TNP2: variants seen among roughly 807,000 people sequenced by gnomAD.
The protein encoded by TNP2 is transition protein 2.
In TNP2, 10 loss-of-function variants were observed where a neutral mutation model predicts 8.5. The ratio of observed to expected loss-of-function variants is 1.17; its 90% confidence interval spans 0.72 to 1.99. TNP2 has a LOEUF of 1.99. TNP2 is among the 30% of genes most tolerant of loss of function. TNP2 has a pLI of 0.00. For synonymous variants in TNP2, 80 were observed against 62.3 expected (o/e 1.28, Z -1.34); for missense variants, 222 against 181.2 (o/e 1.23, Z -1.29).
In TNP2 at chr16:11,268,969, C is replaced by G; in HGVS notation, c.294G>C (p.Leu98=). The G allele has an allele frequency of 6.2e-7, 1 of 1,613,922 alleles. No individual in the cohort carries two copies. Among genetic ancestry groups the G allele is most frequent in the Middle Eastern group, 1.6e-4 (1 of 6,062 alleles). Residue 98 remains leucine (L), a synonymous_variant, in exon 1 of 2, where the codon CTG becomes CTC. Transcript: ENST00000312693. ...TTCTGTTCTTGGGGCAGCGGCAGTG[C>G]AGGATGGTGGGCCGCATGGGAGAGT... The part of the protein sequence containing the change: ...SHHSPMRPTI[L]HCRCPKNRKN...
intron 1 of TNP2, 169 bp downstream of exon 1, chr16:11,268,694 C>T: frequency 1.5e-6 from 1 of 666,770 alleles, no homozygotes; most frequent in Non-Finnish European, 2.3e-6. Flanking sequence ...GACTTTCCGT[C>T]AATGTATCAT....
Position 11,268,013 on chromosome 16 carries a change from C to T in TNP2, c.401-1G>A. On this transcript the variant is annotated splice_acceptor_variant, in intron 1 of 1. Transcript: ENST00000312693. LOFTEE classifies it high-confidence loss of function. The stretch of plus-strand genomic sequence containing the variant: ...CGGTCTCATTAGTTGGATTTCCATC[C>T]TAAGGGATAAGAGTGGGAAAGGAAC... The T allele has an allele frequency of 6.2e-7, 1 of 1,612,430 alleles. No homozygotes were observed.
rs200118105 is a variant in TNP2 at position 11,269,085 on chromosome 16, T to G, written c.178A>C (p.Thr60Pro). 3.1e-6 allele frequency: 5 copies of G among 1,613,932 alleles called. No individual in the cohort carries two copies. The highest frequency in any genetic ancestry group is 4.2e-6 in the Non-Finnish European group (5 of 1,179,862). Residue 60 changes from threonine (T) to proline (P), a missense_variant, in exon 1 of 2, where the codon ACT becomes CCT. Coordinates refer to ENST00000312693, the MANE Select transcript of TNP2 (RefSeq NM_005425.5). ...TGGCCGGATGAGCTGTGGGCTCCAG[T>G]TGGGTTGCGGTGGCTGGCCGGGCTC... Reference protein sequence around the residue: ...SQSPASHRNPTGAHSSSGHQS... With the variant: ...SQSPASHRNPPGAHSSSGHQS...
At position 11,269,085 on chromosome 16, in the gene TNP2, T is replaced by C. The variant is rs200118105; in HGVS notation, c.178A>G (p.Thr60Ala). 37 of 1,613,814 alleles carry C rather than the reference T, an allele frequency of 2.3e-5. No individual in the cohort carries two copies. Among genetic ancestry groups the C allele is most frequent in the South Asian group, 5.5e-5 (5 of 91,084 alleles). Reference protein sequence around the residue: ...SQSPASHRNPTGAHSSSGHQS... With the variant: ...SQSPASHRNPAGAHSSSGHQS... Reference sequence around the variant, plus strand: ...TGGCCGGATGAGCTGTGGGCTCCAGTTGGGTTGCGGTGGCTGGCCGGGCTC... The same window carrying C: ...TGGCCGGATGAGCTGTGGGCTCCAGCTGGGTTGCGGTGGCTGGCCGGGCTC... The change falls in exon 1 of 2, where the codon ACT (threonine) becomes GCT (alanine). Residue 60 changes from threonine (T) to alanine (A), a missense_variant. Coordinates refer to ENST00000312693, the MANE Select transcript of TNP2 (RefSeq NM_005425.5).
chr16:11,268,963 G>A lies in TNP2; in HGVS notation c.300C>T (p.Cys100=), dbSNP rs760922177. The A allele has an allele frequency of 4.3e-6, 7 of 1,613,836 alleles. No homozygotes were observed. In the South Asian group the frequency reaches 4.4e-5, roughly 10 times the overall value. ...HSPMRPTILH[C]RCPKNRKNLE... ...AGTTCTTTCTGTTCTTGGGGCAGCG[G>A]CAGTGCAGGATGGTGGGCCGCATGG... is the stretch of plus-strand genomic sequence containing the variant. Residue 100 remains cysteine (C), a synonymous_variant, in exon 1 of 2, where the codon TGC becomes TGT. Transcript: ENST00000312693.
rs1200979746 is a variant in TNP2 at position 11,269,200 on chromosome 16, G to A, written c.63C>T (p.Pro21=). 6.2e-7 allele frequency: 1 copy of A among 1,610,346 alleles called. No homozygotes were observed. The highest frequency in any genetic ancestry group is 1.3e-5 in the African/African-American group (1 of 74,920). ...AATGGCGGGTGCAGGTGCGGCTTTG[G>A]GGCTGAGAGTTGCTATGGAGCTGAG... The part of the protein sequence containing the change: ...THTQLHSNSQ[P]QSRTCTRHCQ... The change falls in exon 1 of 2, where the codon CCC becomes CCT. Residue 21 remains proline (P), a synonymous_variant. Transcript: ENST00000312693.
In TNP2 at chr16:11,268,008, C is replaced by G. The variant is rs771042609; in HGVS notation, c.405G>C (p.Trp135Cys). 4 of 1,612,394 alleles carry G rather than the reference C, an allele frequency of 2.5e-6. No homozygotes were observed. The East Asian group carries it at 8.9e-5, about 36-fold the overall frequency. The change falls in exon 2 of 2, where the codon TGG becomes TGC. Residue 135 changes from tryptophan to cysteine, a missense_variant. Transcript: ENST00000312693. Reference sequence around the variant, plus strand: ...GAGTGCGGTCTCATTAGTTGGATTTCCATCCTAAGGGATAAGAGTGGGAAA... The same window carrying G: ...GAGTGCGGTCTCATTAGTTGGATTTGCATCCTAAGGGATAAGAGTGGGAAA... The part of the protein sequence containing the change: ...VYKTKTRSSG[W>C]KSN
Position 11,269,101 on chromosome 16 carries a change from G to T in TNP2, c.162C>A (p.Ala54=), listed in dbSNP as rs775210176. 3 of 1,613,892 alleles carry T rather than the reference G, an allele frequency of 1.9e-6. No individual in the cohort carries two copies. Among genetic ancestry groups the T allele is most frequent in the Admixed American group, 1.7e-5 (1 of 60,006 alleles). ...GGGCTCCAGTTGGGTTGCGGTGGCTGGCCGGGCTCTGGCTGGAGCTCTGGC... is the reference window on the plus strand; with the variant it reads ...GGGCTCCAGTTGGGTTGCGGTGGCTTGCCGGGCTCTGGCTGGAGCTCTGGC... ...SRSQSSSQSP[A]SHRNPTGAHS... is the part of the protein sequence containing the mutation. Residue 54 remains alanine, a synonymous_variant, in exon 1 of 2, where the codon GCC becomes GCA. Coordinates refer to ENST00000312693, the MANE Select transcript of TNP2 (RefSeq NM_005425.5).
At chr16:11,268,571 T>G (rs2069740732) in intron 1 of TNP2, 1 of 435,500 alleles carries the variant, frequency 2.3e-6, no homozygotes, top group Non-Finnish European at 4.0e-6. Flanking sequence ...CTATTTATTG[T>G]TTACCCACCC....
chr16:11,267,986 T>C lies in TNP2; in HGVS notation c.*10A>G. Reference sequence around the variant, plus strand: ...AAACACGCAGGAACAAGCCAAGGAGTGCGGTCTCATTAGTTGGATTTCCAT... The same window carrying C: ...AAACACGCAGGAACAAGCCAAGGAGCGCGGTCTCATTAGTTGGATTTCCAT... On this transcript the variant is annotated 3_prime_UTR_variant, in exon 2 of 2. Coordinates refer to ENST00000312693, the MANE Select transcript of TNP2 (RefSeq NM_005425.5). 6.2e-7 allele frequency: 1 copy of C among 1,611,608 alleles called. No individual in the cohort carries two copies. The highest frequency in any genetic ancestry group is 8.5e-7 in the Non-Finnish European group (1 of 1,179,048).
Position 11,267,988 on chromosome 16 carries a change from C to A in TNP2, c.*8G>T. The stretch of plus-strand genomic sequence containing the variant: ...ACACGCAGGAACAAGCCAAGGAGTG[C>A]GGTCTCATTAGTTGGATTTCCATCC... On this transcript the variant is annotated 3_prime_UTR_variant, in exon 2 of 2. Transcript: ENST00000312693. 6.2e-7 allele frequency: 1 copy of A among 1,611,324 alleles called. No individual in the cohort carries two copies. Among genetic ancestry groups the A allele is most frequent in the Non-Finnish European group, 8.5e-7 (1 of 1,178,802 alleles).
rs759134912 is a variant in TNP2 at position 11,268,961 on chromosome 16, C to T, written c.302G>A (p.Arg101His). The T allele has an allele frequency of 2.2e-5, 35 of 1,613,718 alleles. 1 individual carries two copies. The East Asian group carries it at 2.2e-4, about 10-fold the overall frequency. Residue 101 changes from arginine to histidine, a missense_variant, in exon 1 of 2, where the codon CGC (arginine) becomes CAC (histidine). Arg to His is a conservative substitution (Grantham distance 29). Coordinates refer to ENST00000312693, the MANE Select transcript of TNP2 (RefSeq NM_005425.5). ...SPMRPTILHCRCPKNRKNLEG... is the reference protein window; with the variant it reads ...SPMRPTILHCHCPKNRKNLEG... ...CAAGTTCTTTCTGTTCTTGGGGCAG[C>T]GGCAGTGCAGGATGGTGGGCCGCAT...
intron 1 of TNP2, chr16:11,268,253 C>T (rs535669255): frequency 1.0e-5 from 5 of 484,138 alleles, no homozygotes; most frequent in Admixed American, 3.9e-5. Context: ...ATTTATTCAA[C>T]ATTTCTTTCC....
chr16:11,267,889 G>T lies in TNP2; in HGVS notation c.*107C>A. 1 of 1,230,556 alleles carries T rather than the reference G, an allele frequency of 8.1e-7. No individual in the cohort carries two copies. The allele number at this position is 1,230,556 out of a possible 1,614,324, so 76.2% of individuals were successfully genotyped here. On this transcript the variant is annotated 3_prime_UTR_variant, in exon 2 of 2. Transcript: ENST00000312693. ...CCAGGTACAAGCTTTAATTAGTGTT[G>T]CGTAGAAATCACCATAGTAACATGT...
Position 11,268,913 on chromosome 16 carries a change from T to A in TNP2, c.350A>T (p.Lys117Ile). Residue 117 changes from lysine (K) to isoleucine (I), a missense_variant, in exon 1 of 2, where the codon AAA becomes ATA. By Grantham distance (102) the Lys-to-Ile change is moderately radical (BLOSUM62 -3). Transcript: ENST00000312693. ...CACCTGCTGGATCCTCTTGGCCATT[T>A]TTTTCTTTTTCAGCTTGCCTTCCAA... ...KNLEGKLKKKKMAKRIQQVYK... is the reference protein window; with the variant it reads ...KNLEGKLKKKIMAKRIQQVYK... 6.2e-7 allele frequency: 1 copy of A among 1,608,248 alleles called. No homozygotes were observed. Among genetic ancestry groups the A allele is most frequent in the Non-Finnish European group, 8.5e-7 (1 of 1,178,086 alleles).
At position 11,269,288 on chromosome 16, in the gene TNP2, G is replaced by A. The variant is rs754475385; in HGVS notation, c.-26C>T. 23 of 1,583,022 alleles carry A rather than the reference G, an allele frequency of 1.5e-5. No individual in the cohort carries two copies. The highest frequency in any genetic ancestry group is 1.9e-5 in the Non-Finnish European group (22 of 1,170,294). On this transcript the variant is annotated 5_prime_UTR_variant, in exon 1 of 2. Coordinates refer to ENST00000312693, the MANE Select transcript of TNP2 (RefSeq NM_005425.5). ...AGGAGGCCACGTTTGGAGGGGCAGG[G>A]CCTCCTCCTCATCCTCTCCCAGCAG...
chr16:11,268,692 G>T, intron 1 of TNP2, 171 bp downstream of exon 1: 1 of 652,152 alleles, frequency 1.5e-6, no homozygotes. Context: ...GAGACTTTCC[G>T]TCAATGTATC....
chr16:11,268,707 A>G (rs2069743236), intron 1 of TNP2, 156 bp downstream of exon 1: 1 of 773,070 alleles, frequency 1.3e-6, no homozygotes, highest in East Asian at 2.9e-5. Context: ...TGTATCATAC[A>G]TTCAGCTAGC....
At position 11,269,053 on chromosome 16, in the gene TNP2, G is replaced by C; in HGVS notation, c.210C>G (p.Ser70Arg). The change falls in exon 1 of 2, where the codon AGC becomes AGG. Residue 70 changes from serine to arginine, a missense_variant. Physicochemically the swap from Ser to Arg is moderately radical, Grantham distance 110. Coordinates refer to ENST00000312693, the MANE Select transcript of TNP2 (RefSeq NM_005425.5). ...TGAHSSSGHQ[S>R]QSPNTSPPPK... ...GTGGTGGACTAGTGTTGGGACTCTG[G>C]CTCTGGTGGCCGGATGAGCTGTGGG... is the stretch of plus-strand genomic sequence containing the variant. The C allele has an allele frequency of 6.2e-7, 1 of 1,613,958 alleles. No homozygotes were observed. The highest frequency in any genetic ancestry group is 8.5e-7 in the Non-Finnish European group (1 of 1,179,888).
Sources: allele counts gnomAD v4.1 joint callset, GRCh38; gene constraint gnomAD v4.1.1; transcripts MANE v1.5; gene names NCBI Gene and HGNC (gene_info 2026-07-23, HGNC 2026-07-21).